PSD2: variants seen among roughly 807,000 people sequenced by gnomAD.
The protein encoded by PSD2 is PH and SEC7 domain-containing protein 2.
In PSD2, 38 loss-of-function variants were observed where a neutral mutation model predicts 69.8. The ratio of observed to expected loss-of-function variants is 0.54; its 90% CI spans 0.42 to 0.71. PSD2 has a LOEUF of 0.71. Among genes scored for constraint, PSD2 ranks in the 30% least tolerant of loss-of-function variants. The probability of loss-of-function intolerance (pLI) is 0.00; values close to 1 mark genes in which losing one functional copy is unlikely to be tolerated. For synonymous variants in PSD2, 412 were observed against 423.0 expected (o/e 0.97, Z 0.32); for missense variants, 943 against 1,014.5 (o/e 0.93, Z 0.96).
rs1387949223 is a variant in PSD2, at chr5:139,813,879, T to C, written c.821+121T>C. ...TCAGCATGCCCTCTTCAAGGTCACC[T>C]GGTCTACCCTCTGCATCCAGGCTTC... On this transcript the variant is annotated intron_variant, in intron 3 of 14. Coordinates refer to ENST00000274710, the MANE Select transcript of PSD2 (RefSeq NM_032289.4). The C allele has an allele frequency of 8.2e-6, 7 of 854,298 alleles. No individual in the cohort carries two copies. The East Asian group carries it at 1.9e-4, about 23-fold the overall frequency. The allele number at this position is 854,298 out of a possible 1,614,324, so 52.9% of individuals were successfully genotyped here. A position where few individuals can be genotyped will look rare whatever the true frequency, so the allele number is the denominator to read the frequency against.
intron 1 of PSD2, among the ~76,000 whole-genome samples, chr5:139,802,913 G>C (rs1425945433): frequency 2.0e-5 from 3 of 152,190 alleles, no homozygotes; most frequent in Non-Finnish European, 4.4e-5. Context: ...ATGCAAATGT[G>C]CATGCAGCCC....
chr5:139,792,859 T>TTTCCTTCCTTTC (rs1554093427), upstream of PSD2, among the ~76,000 whole-genome samples: 1 of 107,788 alleles, frequency 9.3e-6, no homozygotes, highest in Non-Finnish European at 1.9e-5. Context: ...TCTTTCTGTC[T>TTTCCTTCCTTTC]TTCCTTCCTT....
At chr5:139,779,148 A>G in the PSD2 span, among the ~76,000 whole-genome samples, 3 of 151,804 alleles carry the variant, frequency 2.0e-5, no homozygotes, top group Non-Finnish European at 4.4e-5. Flanking sequence ...TTTTATTTCC[A>G]TAGGTTATTG....
chr5:139,783,019 G>C, the PSD2 span, among the ~76,000 whole-genome samples: 2 of 152,120 alleles, frequency 1.3e-5, no homozygotes, highest in Non-Finnish European at 2.9e-5. Flanking sequence ...TCTCCCTCCA[G>C]CCTCTGGTCA....
the PSD2 span, among the ~76,000 whole-genome samples, chr5:139,777,581 A>C: frequency 6.6e-6 from 1 of 152,208 alleles, no homozygotes; most frequent in Admixed American, 6.5e-5. Context: ...TCCAAAGGCC[A>C]TGCTAGAAAT....
chr5:139,752,541 C>T, the PSD2 span, among the ~76,000 whole-genome samples: 1 of 152,178 alleles, frequency 6.6e-6, no homozygotes, highest in African/African-American at 2.4e-5. Flanking sequence ...TGAACAGGTG[C>T]ATACAGATGC....
chr5:139,760,622 T>G, the PSD2 span, among the ~76,000 whole-genome samples: 2,594 of 152,278 alleles, frequency 0.017, 82 homozygotes, highest in African/African-American at 0.059. Context: ...TCTGGCTCAC[T>G]GAGCAGGAAT....
the PSD2 span, among the ~76,000 whole-genome samples, chr5:139,780,604 C>T: frequency 6.6e-6 from 1 of 152,012 alleles, no homozygotes. Context: ...GCACCATGCC[C>T]GACTAATTTT....
the PSD2 span, among the ~76,000 whole-genome samples, chr5:139,781,464 TA>T: frequency 1.3e-5 from 2 of 151,210 alleles, no homozygotes; most frequent in Admixed American, 1.3e-4. Context: ...GCCTCCCGAG[TA>T]GCTGGGACTA....
At chr5:139,782,135 C>T in the PSD2 span, among the ~76,000 whole-genome samples, 4 of 152,160 alleles carry the variant, frequency 2.6e-5, no homozygotes, top group Non-Finnish European at 5.9e-5. Flanking sequence ...CAGTATCTGG[C>T]CTGTATTAGG....
At chr5:139,782,006 G>C in the PSD2 span, among the ~76,000 whole-genome samples, 2 of 152,136 alleles carry the variant, frequency 1.3e-5, no homozygotes, top group Non-Finnish European at 2.9e-5. Flanking sequence ...GGATTTACCT[G>C]CCCAGGGGCC....
At chr5:139,806,831 C>T (rs1759820748) in intron 1 of PSD2, among the ~76,000 whole-genome samples, 1 of 152,176 alleles carries the variant, frequency 6.6e-6, no homozygotes. Context: ...CTTCTGGGCT[C>T]AGCTGGTCTG....
chr5:139,744,617 G>A, the PSD2 span, among the ~76,000 whole-genome samples: 1 of 152,114 alleles, frequency 6.6e-6, no homozygotes, highest in Non-Finnish European at 1.5e-5. Flanking sequence ...GGGGTGGGGG[G>A]AAGGCTCTCA....
At chr5:139,785,334 C>CT in the PSD2 span, among the ~76,000 whole-genome samples, 1 of 151,980 alleles carries the variant, frequency 6.6e-6, no homozygotes, top group African/African-American at 2.4e-5. Context: ...AGCAATCCTC[C>CT]TGCCTCAGCC....
chr5:139,795,224 TCCGTC>T (rs944293676), upstream of PSD2, among the ~76,000 whole-genome samples: 2 of 152,084 alleles, frequency 1.3e-5, no homozygotes, highest in Admixed American at 6.6e-5. This position sits in a 1 kb window ranked among gnomAD's most constrained non-coding sequence, Gnocchi z 4.5. Context: ...AGCCCAGGTC[TCCGTC>T]CCGTCCCGTG....
At chr5:139,788,646 A>G in the PSD2 span, among the ~76,000 whole-genome samples, 1 of 152,154 alleles carries the variant, frequency 6.6e-6, no homozygotes, top group East Asian at 1.9e-4. Context: ...TCTCCTGGAC[A>G]GGCTCCCGGA....
At chr5:139,749,085 C>T in the PSD2 span, among the ~76,000 whole-genome samples, 1 of 152,122 alleles carries the variant, frequency 6.6e-6, no homozygotes, top group Non-Finnish European at 1.5e-5. Flanking sequence ...CCCTGGAGCA[C>T]CCAACCGACC....
At chr5:139,778,193 CAGGGGGAAATGGG>C in the PSD2 span, among the ~76,000 whole-genome samples, 10 of 152,296 alleles carry the variant, frequency 6.6e-5, no homozygotes, top group East Asian at 1.9e-3. Context: ...AGGGACAGTG[CAGGGGGAAATGGG>C]ACAGTGCACA....
the PSD2 span, among the ~76,000 whole-genome samples, chr5:139,782,553 C>T: frequency 2.1e-5 from 3 of 145,208 alleles, no homozygotes; most frequent in Admixed American, 7.1e-5. Flanking sequence ...AGTGCAGTGG[C>T]GTGATCTGCG....
Sources: gnomAD v4.1 joint callset for allele counts (sites outside exome capture counted in the v4.1 genomes callset) on GRCh38, gnomAD v4.1.1 for gene constraint, Gnocchi (gnomAD v3.1) non-coding constraint, MANE v1.5 for transcripts, NCBI Gene and HGNC (gene_info 2026-07-23, HGNC 2026-07-21) for gene names.